The following SH3BP5 variants were observed in gnomAD, a reference collection of about 807,000 sequenced individuals.
The protein encoded by SH3BP5 is SH3 domain-binding protein 5.
SH3BP5 carries 22 observed loss-of-function variants against 43.3 expected under a neutral mutation model. The observed-to-expected ratio is 0.51, with a 90% CI of 0.36 to 0.73. The LOEUF (loss-of-function observed/expected upper bound fraction) is 0.73. Among genes scored for constraint, SH3BP5 ranks in the 30% least tolerant of loss-of-function variants. SH3BP5 has a pLI of 0.00. For synonymous variants in SH3BP5, 255 were observed against 225.8 expected, an observed-to-expected ratio of 1.13 and a Z score of -1.16; for missense variants, 529 against 586.9, an observed-to-expected ratio of 0.90 and a Z score of 1.02.
chr3:15,332,232 T>G (rs1380789802), intron 1 of SH3BP5, 39 bp downstream of exon 1: 2 of 1,549,934 alleles, frequency 1.3e-6, no homozygotes, highest in South Asian at 1.2e-5. Context: ...GTAGCAGCCC[T>G]CGCGAAGCCC....
intron 1 of SH3BP5, chr3:15,341,164 C>A (rs1698760933): frequency 6.6e-6 from 1 of 152,276 alleles, no homozygotes; most frequent in Non-Finnish European, 1.5e-5. Flanking sequence ...CAGGCCCCAC[C>A]TCATCTGACT....
intron 7 of SH3BP5, 147 bp downstream of exon 7, chr3:15,258,684 C>A: frequency 1.6e-6 from 1 of 637,122 alleles, no homozygotes; most frequent in East Asian, 2.7e-5. Context: ...CACAGTGTTC[C>A]ATAAAACATG....
intron 2 of SH3BP5, among the ~76,000 whole-genome samples, chr3:15,322,443 G>C (rs1698353977): frequency 6.6e-6 from 1 of 152,146 alleles, no homozygotes; most frequent in Admixed American, 6.5e-5. Context: ...ATGTTCATGA[G>C]CCAACATGTG....
At position 15,256,886 on chromosome 3, in the gene SH3BP5, C is replaced by T. The variant is rs764963258; in HGVS notation, c.1117G>A (p.Gly373Arg). The T allele has an allele frequency of 2.5e-6, 4 of 1,613,082 alleles. No individual in the cohort carries two copies. Among genetic ancestry groups the T allele is most frequent in the East Asian group, 2.2e-5 (1 of 44,846 alleles). ...ACTTCACATTCAGGGGAGGAGGCCC[C>T]GCTGCATTCACTTCGAGGGCCCAAC... ...PVLGPRSECS[G>R]ASSPECEVER... Residue 373 changes from glycine to arginine, a missense_variant, in exon 8 of 9, where the codon GGG (glycine) becomes AGG (arginine). Coordinates refer to ENST00000383791, the MANE Select transcript of SH3BP5 (RefSeq NM_004844.5).
chr3:15,299,400 G>GA lies in SH3BP5; in HGVS notation c.330+4702dup, dbSNP rs201789446. On this transcript the variant is annotated intron_variant, in intron 3 of 8. Coordinates refer to ENST00000383791, the MANE Select transcript of SH3BP5 (RefSeq NM_004844.5). Reference sequence around the variant, plus strand: ...CAGAACTGGATCTGACTCATTGGCTGAAAAATGAGCTCATATCAGGAAAAA... The same window carrying GA: ...CAGAACTGGATCTGACTCATTGGCTGAAAAAATGAGCTCATATCAGGAAAAA... Among the ~76,000 whole-genome samples, 1,449 of 149,826 alleles carry GA rather than the reference G, an allele frequency of 9.7e-3. 27 individuals carry two copies. The highest frequency in any genetic ancestry group is 0.032 in the African/African-American group (1,298 of 40,904).
chr3:15,326,458 G>T (rs2125141822), intron 2 of SH3BP5, among the ~76,000 whole-genome samples: 1 of 152,280 alleles, frequency 6.6e-6, no homozygotes, highest in South Asian at 2.1e-4. Context: ...CACGAGAGGT[G>T]CCGAACGCCC....
chr3:15,256,911 C>T lies in SH3BP5; in HGVS notation c.1092G>A (p.Val364=), dbSNP rs1307636196. 1 of 1,614,156 alleles carries T rather than the reference C, an allele frequency of 6.2e-7. No homozygotes were observed. Among genetic ancestry groups the T allele is most frequent in the East Asian group, 2.2e-5 (1 of 44,892 alleles). The stretch of plus-strand genomic sequence containing the variant: ...CGCTGCATTCACTTCGAGGGCCCAA[C>T]ACTGGGAACATCATCCCAAACTCTG... ...SLSEFGMMFP[V]LGPRSECSGA... The change falls in exon 8 of 9, where the codon GTG becomes GTA. Residue 364 remains valine, a synonymous_variant. Transcript: ENST00000383791.
chr3:15,329,619 C>T (rs527274399), intron 2 of SH3BP5, among the ~76,000 whole-genome samples: 1 of 152,314 alleles, frequency 6.6e-6, no homozygotes, highest in Admixed American at 6.5e-5. Context: ...TTCCTATCTC[C>T]CACACTCTCA....
At chr3:15,331,268 GA>G (rs2124829122) in intron 1 of SH3BP5, among the ~76,000 whole-genome samples, 1 of 152,194 alleles carries the variant, frequency 6.6e-6, no homozygotes, top group African/African-American at 2.4e-5. Flanking sequence ...CTAATGCAAG[GA>G]TTTTTTTTCC....
intron 4 of SH3BP5, chr3:15,264,614 A>C (rs1024776261): frequency 6.6e-6 from 1 of 152,218 alleles, no homozygotes; most frequent in African/African-American, 2.4e-5. Flanking sequence ...GAAAAATAGG[A>C]GAGAACTGAG....
At chr3:15,337,326 C>T (rs2124843234), upstream of SH3BP5, among the ~76,000 whole-genome samples, 1 of 152,160 alleles carries the variant, frequency 6.6e-6, no homozygotes, top group African/African-American at 2.4e-5. Context: ...CCACCCACCT[C>T]AGCCTCCCAA....
chr3:15,270,829 G>A (rs1017667053), intron 3 of SH3BP5, among the ~76,000 whole-genome samples: 1 of 151,528 alleles, frequency 6.6e-6, no homozygotes, highest in Non-Finnish European at 1.5e-5. Context: ...GGGAGGCTGA[G>A]GCAGAAGAAT....
rs374193774 is a variant in SH3BP5 at position 15,301,355 on chromosome 3, A to G, written c.330+2748T>C. The stretch of plus-strand genomic sequence containing the variant: ...TCTGGTCTGTTGGTGGCTCCCCAAC[A>G]TCATTCACTAGTTTGTTCATTTATT... On this transcript the variant is annotated intron_variant, in intron 3 of 8. Coordinates refer to ENST00000383791, the MANE Select transcript of SH3BP5 (RefSeq NM_004844.5). 6.6e-5 allele frequency among the ~76,000 whole-genome samples: 10 copies of G among 152,300 alleles called. No individual in the cohort carries two copies. In the East Asian group the frequency reaches 1.7e-3, roughly 26 times the overall value.
At chr3:15,295,414 A>G (rs535256426) in intron 3 of SH3BP5, among the ~76,000 whole-genome samples, 1 of 152,266 alleles carries the variant, frequency 6.6e-6, no homozygotes, top group South Asian at 2.1e-4. Flanking sequence ...CTCATACTGT[A>G]CACAAGTGTC....
rs577738849 is a variant in SH3BP5, at chr3:15,289,769, T to C, written c.330+14334A>G. Reference sequence around the variant, plus strand: ...CAGAAGAGGAGCCTACATAAACTAATACGGCATCTTACACCTCATGATTTC... The same window carrying C: ...CAGAAGAGGAGCCTACATAAACTAACACGGCATCTTACACCTCATGATTTC... On this transcript the variant is annotated intron_variant, in intron 3 of 8. Coordinates refer to ENST00000383791, the MANE Select transcript of SH3BP5 (RefSeq NM_004844.5). 3.3e-5 allele frequency among the ~76,000 whole-genome samples: 5 copies of C among 152,318 alleles called. 1 individual carries two copies. Among genetic ancestry groups the C allele is most frequent in the African/African-American group, 1.2e-4 (5 of 41,566 alleles).
intron 2 of SH3BP5, among the ~76,000 whole-genome samples, chr3:15,322,127 TG>T (rs1698342758): frequency 6.6e-6 from 1 of 151,750 alleles, no homozygotes; most frequent in Non-Finnish European, 1.5e-5. Flanking sequence ...CGCTTGAACC[TG>T]GGAGGTGGAG....
intron 3 of SH3BP5, among the ~76,000 whole-genome samples, chr3:15,291,142 G>C (rs1442967355): frequency 3.9e-5 from 6 of 152,200 alleles, no homozygotes. Context: ...TTTCGTCCCA[G>C]AAACACCAGG....
At chr3:15,294,573 C>T (rs541463775) in intron 3 of SH3BP5, among the ~76,000 whole-genome samples, 10 of 152,064 alleles carry the variant, frequency 6.6e-5, no homozygotes, top group Non-Finnish European at 1.2e-4. Flanking sequence ...GCCACAACAC[C>T]GGAAAGGTTT....
chr3:15,339,017 T>A (rs1294564669), intron 1 of SH3BP5, among the ~76,000 whole-genome samples: 1 of 152,124 alleles, frequency 6.6e-6, no homozygotes, highest in East Asian at 1.9e-4. Context: ...CCCCTAAGGA[T>A]CATGGCACAT....
Sources: allele counts gnomAD v4.1 joint callset (sites outside exome capture counted in the v4.1 genomes callset), GRCh38; gene constraint gnomAD v4.1.1; transcripts MANE v1.5; gene names NCBI Gene and HGNC (gene_info 2026-07-23, HGNC 2026-07-21).